The following UNKL variants were observed in gnomAD, a reference collection of about 807,000 sequenced individuals.
UNKL encodes the protein unk like zinc finger, also known as putative E3 ubiquitin-protein ligase UNKL.
Under a neutral mutation model 78.0 loss-of-function variants are expected in UNKL, and 60 were observed. That is an observed-to-expected ratio of 0.77 (90% confidence interval 0.63 to 0.95). The LOEUF is 0.95. UNKL is among the 40% of genes least tolerant of loss of function. The pLI, the probability that UNKL is intolerant of heterozygous loss-of-function variation, is 0.00. For synonymous variants in UNKL, 608 were observed against 474.8 expected (o/e 1.28, Z -3.65); for missense variants, 1,159 against 1,045.7 (o/e 1.11, Z -1.49).
chr16:1,386,496 G>A (rs1201464947), intron 9 of UNKL, among the ~76,000 whole-genome samples: 4 of 152,134 alleles, frequency 2.6e-5, no homozygotes, highest in Admixed American at 1.3e-4. Context: ...AGTGGTTGTG[G>A]TGAGCCGAGA....
chr16:1,410,957 G>A (rs1475455242), intron 2 of UNKL, among the ~76,000 whole-genome samples: 2 of 152,208 alleles, frequency 1.3e-5, no homozygotes, highest in South Asian at 2.1e-4. Flanking sequence ...ATGGCCGGGT[G>A]TGGTGGTTTG....
At chr16:1,370,096 C>G (rs369723708) in intron 12 of UNKL, 34 bp downstream of exon 12, 1 of 1,542,316 alleles carries the variant, frequency 6.5e-7, no homozygotes. Flanking sequence ...GGAGGCTTCA[C>G]GGCAACGCCA....
chr16:1,398,536 G>T, intron 5 of UNKL: 1 of 1,331,266 alleles, frequency 7.5e-7, no homozygotes, highest in Non-Finnish European at 9.6e-7. Context: ...GGAAGCACAG[G>T]TGCTCTCCGG....
intron 4 of UNKL, 99 bp downstream of exon 4, chr16:1,401,469 C>T: frequency 7.5e-7 from 1 of 1,337,936 alleles, no homozygotes; most frequent in Non-Finnish European, 9.7e-7. Flanking sequence ...GATCACCTTG[C>T]ACGTAAACTG....
At chr16:1,394,634 AACAC>A in intron 6 of UNKL, 1 of 411,544 alleles carries the variant, frequency 2.4e-6, no homozygotes, top group East Asian at 7.0e-5. Context: ...TGAGGTCAAC[AACAC>A]TTAAGACCCG....
At chr16:1,384,800 T>C (rs1567218407) in intron 10 of UNKL, among the ~76,000 whole-genome samples, 1 of 152,314 alleles carries the variant, frequency 6.6e-6, no homozygotes, top group East Asian at 1.9e-4. Context: ...GGTCTCACTA[T>C]GTTGCCCAGG....
rs185982009 is a variant in UNKL, at chr16:1,376,791, G to A, written c.1265-5180C>T. On this transcript the variant is annotated intron_variant, in intron 10 of 14. Transcript: ENST00000389221. ...CCTATACGAACGTCCTCATTTGCAC[G>A]TCAGGCCCAGTAAGAGATTAACAAG... Among the ~76,000 whole-genome samples the A allele has an allele frequency of 5.3e-3, 800 of 152,124 alleles. 6 individuals are homozygous for A. Among genetic ancestry groups the A allele is most frequent in the South Asian group, 5.8e-3 (28 of 4,822 alleles).
At chr16:1,372,690 C>A (rs1475678748) in intron 10 of UNKL, among the ~76,000 whole-genome samples, 1 of 152,200 alleles carries the variant, frequency 6.6e-6, no homozygotes, top group African/African-American at 2.4e-5. Context: ...ATCTGAGAGC[C>A]CACGTGCCAC....
Position 1,367,293 on chromosome 16 carries a change from G to T in UNKL, c.1845C>A (p.Ala615=). 1.9e-6 allele frequency: 3 copies of T among 1,560,050 alleles called. No homozygotes were observed. Among genetic ancestry groups the T allele is most frequent in the Non-Finnish European group, 1.7e-6 (2 of 1,157,130 alleles). ...GCAGCGCCAGCTGCCGGTCGCTATC[G>T]GCCACACGGGCACGCTCCTTGGCCT... The part of the protein sequence containing the change: ...AQEAKERARV[A]DSDRQLALQK... The change falls in exon 14 of 15, where the codon GCC becomes GCA. Residue 615 remains alanine (A), a synonymous_variant. Transcript: ENST00000389221.
At chr16:1,384,585 C>G (rs1386478938) in intron 10 of UNKL, among the ~76,000 whole-genome samples, 3 of 152,008 alleles carry the variant, frequency 2.0e-5, no homozygotes, top group African/African-American at 7.3e-5. Context: ...AGTGCCCTCA[C>G]TGGCCCACAA....
At chr16:1,404,743 G>C (rs1377764385) in intron 2 of UNKL, among the ~76,000 whole-genome samples, 1 of 152,228 alleles carries the variant, frequency 6.6e-6, no homozygotes, top group East Asian at 1.9e-4. Context: ...AATAAGGAAA[G>C]CGCGGGCTTC....
At chr16:1,400,062 C>G (rs111340715) in intron 4 of UNKL, among the ~76,000 whole-genome samples, 5 of 152,032 alleles carry the variant, frequency 3.3e-5, no homozygotes, top group Non-Finnish European at 5.9e-5. Flanking sequence ...TTTGGGAAAT[C>G]TATTTTTCTA....
At chr16:1,407,917 G>A (rs1052765330) in intron 2 of UNKL, among the ~76,000 whole-genome samples, 4 of 152,012 alleles carry the variant, frequency 2.6e-5, no homozygotes, top group Non-Finnish European at 5.9e-5. Context: ...ATGAAAATGG[G>A]CCTAGAGGCT....
At chr16:1,381,104 C>T (rs531758510) in intron 10 of UNKL, among the ~76,000 whole-genome samples, 17 of 152,264 alleles carry the variant, frequency 1.1e-4, no homozygotes, top group African/African-American at 3.6e-4. Context: ...AACTCCAGTC[C>T]ATCTGAAGGT....
At chr16:1,394,864 TC>T (rs1567226601) in intron 6 of UNKL, among the ~76,000 whole-genome samples, 2 of 152,054 alleles carry the variant, frequency 1.3e-5, no homozygotes, top group Non-Finnish European at 2.9e-5. Flanking sequence ...CCCGGTGGGG[TC>T]CCGTTTGCTT....
rs573721684 is a variant in UNKL, at chr16:1,387,367, C to T, written c.1087-1982G>A. On this transcript the variant is annotated intron_variant, in intron 9 of 14. Transcript: ENST00000389221. This position sits in a 1 kb window ranked among gnomAD's most constrained non-coding sequence, Gnocchi z 4.1. ...TGGGTGATTCGAGACCTGGTGCCATCTCAGTGGCAACCCGCCCCCTATCCC... is the reference window on the plus strand; with the variant it reads ...TGGGTGATTCGAGACCTGGTGCCATTTCAGTGGCAACCCGCCCCCTATCCC... 6.6e-6 allele frequency among the ~76,000 whole-genome samples: 1 copy of T among 152,318 alleles called. No homozygotes were observed. Among genetic ancestry groups the T allele is most frequent in the Admixed American group, 6.5e-5 (1 of 15,292 alleles).
At chr16:1,375,234 G>A (rs2142009733) in intron 10 of UNKL, among the ~76,000 whole-genome samples, 1 of 152,364 alleles carries the variant, frequency 6.6e-6, no homozygotes. Context: ...CCGGGCCTCT[G>A]AACTTCACCC....
chr16:1,363,617 G>C lies in UNKL; in HGVS notation c.*2623C>G, dbSNP rs1470251580. 9.9e-6 allele frequency: 2 copies of C among 201,364 alleles called. No homozygotes were observed. The highest frequency in any genetic ancestry group is 4.7e-5 in the African/African-American group (2 of 42,312). The allele number at this position is 201,364 out of a possible 1,614,324, so 12.5% of individuals were successfully genotyped here. A position where few individuals can be genotyped will look rare whatever the true frequency, so the allele number is the denominator to read the frequency against. ...GCCATGGCCACAGGGGGGAGCTGCT[G>C]GGCGCGCCTCCACCTCAGCCTCCAC... On this transcript the variant is annotated 3_prime_UTR_variant, in exon 15 of 15. Transcript: ENST00000389221.
At chr16:1,389,567 C>G (rs566752696) in intron 9 of UNKL, among the ~76,000 whole-genome samples, 1 of 152,216 alleles carries the variant, frequency 6.6e-6, no homozygotes, top group East Asian at 1.9e-4. Flanking sequence ...ACAGCCAGAC[C>G]CTGCCTCAAA....
Sources: gnomAD v4.1 joint callset for allele counts (sites outside exome capture counted in the v4.1 genomes callset) on GRCh38, gnomAD v4.1.1 for gene constraint, Gnocchi (gnomAD v3.1) non-coding constraint, MANE v1.5 for transcripts, NCBI Gene and HGNC (gene_info 2026-07-23, HGNC 2026-07-21) for gene names.